Variants in RUBCNL observed in about 807,000 individuals in gnomAD.
RUBCNL encodes protein associated with UVRAG as autophagy enhancer.
Under a neutral mutation model 69.5 loss-of-function variants are expected in RUBCNL, and 62 were observed. That is an observed-to-expected ratio of 0.89 (90% CI 0.73 to 1.10). The LOEUF (loss-of-function observed/expected upper bound fraction) is 1.10. RUBCNL is among the 50% of genes least tolerant of loss of function. The pLI, the probability that RUBCNL is intolerant of heterozygous loss-of-function variation, is 0.00. For missense variants in RUBCNL, 768 were observed against 798.1 expected (o/e 0.96, Z 0.45); for synonymous variants, 291 against 303.6 (o/e 0.96, Z 0.43).
intron 9 of RUBCNL, among the ~76,000 whole-genome samples, chr13:46,356,883 C>G (rs2048497901): frequency 6.8e-6 from 1 of 147,476 alleles, no homozygotes; most frequent in Non-Finnish European, 1.5e-5. Flanking sequence ...CTTTTTTTGG[C>G]TTTATTTACT....
rs748298801 is a variant in RUBCNL, at chr13:46,361,555, G to A, written c.1005C>T (p.Asp335=). 1 of 1,604,280 alleles carries A rather than the reference G, an allele frequency of 6.2e-7. No individual in the cohort carries two copies. The highest frequency in any genetic ancestry group is 8.5e-7 in the Non-Finnish European group (1 of 1,174,960). ...TGGCTAATAGTTCTGCAGAATTGAA[G>A]TCTGGCTCATAAGTGACACTGAAAT... ...SSSKSVTYEP[D]FNSAELLAKE... Residue 335 remains aspartate, a synonymous_variant, in exon 8 of 15, where the codon GAC becomes GAT. Coordinates refer to ENST00000429979, the MANE Select transcript of RUBCNL (RefSeq NM_025113.5).
intron 3 of RUBCNL, 58 bp from the exon 4 acceptor site, chr13:46,368,873 A>C: frequency 8.2e-7 from 1 of 1,215,906 alleles, no homozygotes; most frequent in Non-Finnish European, 1.2e-6. Flanking sequence ...ATTACCTAAT[A>C]AAATAAAACA....
At chr13:46,354,436 C>A (rs1566069929) in intron 10 of RUBCNL, among the ~76,000 whole-genome samples, 1 of 152,030 alleles carries the variant, frequency 6.6e-6, no homozygotes, top group Non-Finnish European at 1.5e-5. Flanking sequence ...ATCTCAAAGA[C>A]AAAAGTTAAA....
intron 7 of RUBCNL, among the ~76,000 whole-genome samples, chr13:46,361,866 C>T (rs1313378605): frequency 6.6e-6 from 1 of 152,114 alleles, no homozygotes; most frequent in East Asian, 1.9e-4. Flanking sequence ...TCACAGCCTT[C>T]GTGTCCCGAA....
intron 1 of RUBCNL, among the ~76,000 whole-genome samples, chr13:46,381,845 C>T (rs1457938627): frequency 6.6e-6 from 1 of 152,182 alleles, no homozygotes; most frequent in African/African-American, 2.4e-5. Flanking sequence ...GCCTCTGTTG[C>T]TCAGGCTAGA....
chr13:46,362,680 A>C lies in RUBCNL; in HGVS notation c.926-82T>G, dbSNP rs796889212. 3.7e-5 allele frequency: 35 copies of C among 937,470 alleles called. 1 individual carries two copies. In the African/African-American group the frequency reaches 5.6e-4, roughly 15 times the overall value. The allele number at this position is 937,470 out of a possible 1,614,324, so 58.1% of individuals were successfully genotyped here. A position where few individuals can be genotyped will look rare whatever the true frequency, so the allele number is the denominator to read the frequency against. ...CAGTCCATTTTATAAGAACACTAAA[A>C]TCACTCCCTGCATCTCAGAAAGAGC... On this transcript the variant is annotated intron_variant, in intron 6 of 14. Transcript: ENST00000429979.
chr13:46,359,754 A>G, intron 8 of RUBCNL, 123 bp from the exon 9 acceptor site: 2 of 987,002 alleles, frequency 2.0e-6, no homozygotes, highest in Admixed American at 5.8e-5. Flanking sequence ...AGTGCTTTTA[A>G]CTGAACTAAA....
intron 2 of RUBCNL, 101 bp from the exon 3 acceptor site, chr13:46,372,698 T>C: frequency 9.3e-7 from 1 of 1,075,738 alleles, no homozygotes. Flanking sequence ...TAGAAGTCTG[T>C]ACTTGGCTCT....
chr13:46,360,408 T>C (rs767593222), intron 8 of RUBCNL, among the ~76,000 whole-genome samples: 14 of 152,222 alleles, frequency 9.2e-5, no homozygotes, highest in Non-Finnish European at 1.8e-4. Context: ...CTCCACAATT[T>C]GGCTACTATC....
intron 6 of RUBCNL, 150 bp downstream of exon 6, chr13:46,362,965 T>TATATATATAG (rs2048664396): frequency 1.6e-5 from 2 of 126,560 alleles, no homozygotes; most frequent in Non-Finnish European, 3.0e-5. Flanking sequence ...TATATATATA[T>TATATATATAG]ATATATATAT....
chr13:46,387,050 T>C (rs2049264638), intron 1 of RUBCNL, 84 bp downstream of exon 1: 1 of 968,920 alleles, frequency 1.0e-6, no homozygotes, highest in Non-Finnish European at 1.2e-6. Flanking sequence ...ATCCAACCTC[T>C]CCCGCGGCCC....
Position 46,335,416 on chromosome 13 carries a change from T to C in RUBCNL, c.*7969A>G, listed in dbSNP as rs781721750. Among the ~76,000 whole-genome samples, 16 of 152,022 alleles carry C rather than the reference T, an allele frequency of 1.1e-4. No homozygotes were observed. Among genetic ancestry groups the C allele is most frequent in the Non-Finnish European group, 2.2e-4 (15 of 68,004 alleles). ...AGCACCCACCCAACTTAATTTTAAA[T>C]TAAGTCTTCAGAGGGTTTAATCCAC... is the stretch of plus-strand genomic sequence containing the variant. On this transcript the variant is annotated 3_prime_UTR_variant, in exon 15 of 15. Transcript: ENST00000429979.
At chr13:46,381,892 C>T (rs907246331) in intron 1 of RUBCNL, among the ~76,000 whole-genome samples, 6 of 152,178 alleles carry the variant, frequency 3.9e-5, no homozygotes, top group African/African-American at 1.2e-4. Flanking sequence ...GCAGCCTTGA[C>T]CTCCCGGGCT....
chr13:46,356,631 G>A (rs2048491510), intron 9 of RUBCNL, 135 bp from the exon 10 acceptor site: 1 of 696,566 alleles, frequency 1.4e-6, no homozygotes, highest in Admixed American at 2.9e-5. Context: ...ATTTGGGAAA[G>A]AAATAGATTT....
rs1170709704 is a variant in RUBCNL, at chr13:46,342,301, G to T, written c.*1084C>A. 6.6e-6 allele frequency: 1 copy of T among 152,192 alleles called. No homozygotes were observed. The highest frequency in any genetic ancestry group is 2.4e-5 in the African/African-American group (1 of 41,442). The allele number at this position is 152,192 out of a possible 1,614,324, so 9.4% of individuals were successfully genotyped here. On this transcript the variant is annotated 3_prime_UTR_variant, in exon 15 of 15. Coordinates refer to ENST00000429979, the MANE Select transcript of RUBCNL (RefSeq NM_025113.5). ...GTCTGAGAAAATCAAGGTAGGTTTAGTTAGGGCATGTGAATCCCAGGGAAT... is the reference window on the plus strand; with the variant it reads ...GTCTGAGAAAATCAAGGTAGGTTTATTTAGGGCATGTGAATCCCAGGGAAT...
At chr13:46,345,742 AGTGAACCATGCT>A in intron 12 of RUBCNL, 142 bp from the exon 13 acceptor site, 1 of 820,098 alleles carries the variant, frequency 1.2e-6, no homozygotes, top group South Asian at 2.0e-5. Flanking sequence ...CAAGAACAAC[AGTGAACCATGCT>A]CGCCACCATT....
At chr13:46,380,769 T>C (rs978897085) in intron 1 of RUBCNL, among the ~76,000 whole-genome samples, 1 of 152,218 alleles carries the variant, frequency 6.6e-6, no homozygotes. Flanking sequence ...ATACAGCATA[T>C]GTAAAAATAG....
chr13:46,354,184 G>A lies in RUBCNL; in HGVS notation c.1330+2248C>T, dbSNP rs534370071. On this transcript the variant is annotated intron_variant, in intron 10 of 14. Transcript: ENST00000429979. ...AAGGGTAAAATGTCATGTTCAGTGT[G>A]TGGAAATTGAAGGAGACTAAGGAAA... Among the ~76,000 whole-genome samples the A allele has an allele frequency of 2.6e-5, 4 of 152,322 alleles. No homozygotes were observed. The East Asian group carries it at 7.7e-4, about 29-fold the overall frequency.
In RUBCNL at chr13:46,372,273, G is replaced by T. The variant is rs2048894669; in HGVS notation, c.203C>A (p.Ser68Tyr). The part of the protein sequence containing the change: ...DVQQQPQDLQ[S>Y]QVPAAGNSGT... ...ACTGTTCCCTGCTGCTGGCACCTGA[G>T]ATTGCAAGTCCTGCGGCTGTTGCTG... The change falls in exon 3 of 15, where the codon TCT becomes TAT. Residue 68 changes from serine to tyrosine, a missense_variant. Ser to Tyr is a moderately radical substitution (Grantham distance 144). Transcript: ENST00000429979. 1 of 1,613,912 alleles carries T rather than the reference G, an allele frequency of 6.2e-7. No homozygotes were observed. Among genetic ancestry groups the T allele is most frequent in the African/African-American group, 1.3e-5 (1 of 74,928 alleles).
Sources: allele counts gnomAD v4.1 joint callset (sites outside exome capture counted in the v4.1 genomes callset), GRCh38; gene constraint gnomAD v4.1.1; transcripts MANE v1.5; gene names NCBI Gene and HGNC (gene_info 2026-07-23, HGNC 2026-07-21).